The following MKNK1 variants were observed in gnomAD, a reference collection of about 807,000 sequenced individuals.
MKNK1 encodes the protein MAPK interacting serine/threonine kinase 1, also known as MAP kinase-interacting serine/threonine-protein kinase 1.
In MKNK1, 30 loss-of-function variants were observed where a neutral mutation model predicts 49.3. The observed-to-expected ratio is 0.61, with a 90% CI of 0.46 to 0.83. The LOEUF (loss-of-function observed/expected upper bound fraction) is 0.83, where lower values mean the gene tolerates loss of function less well. MKNK1 is among the 40% of genes least tolerant of loss of function. The pLI is 0.00. For synonymous variants in MKNK1, 176 were observed against 201.7 expected, an observed-to-expected ratio of 0.87 and a Z score of 1.08; for missense variants, 423 against 524.7, an observed-to-expected ratio of 0.81 and a Z score of 1.89.
intron 1 of MKNK1, among the ~76,000 whole-genome samples, chr1:46,603,161 A>G (rs1674970969): frequency 6.6e-6 from 1 of 152,214 alleles, no homozygotes. Context: ...TCTTCACATC[A>G]CTTCCAGCCC....
At chr1:46,576,233 T>C (rs1670930780) in intron 5 of MKNK1, 1 of 274,472 alleles carries the variant, frequency 3.6e-6, no homozygotes, top group Admixed American at 5.0e-5. Context: ...GGCAAGTCCT[T>C]AAAGATTTCT....
At chr1:46,585,920 G>T (rs756534032) in intron 2 of MKNK1, 5 of 1,365,930 alleles carry the variant, frequency 3.7e-6, no homozygotes, top group Non-Finnish European at 4.9e-6. Flanking sequence ...ACGCCAGAAG[G>T]GACAAATGGT....
At position 46,574,999 on chromosome 1, in the gene MKNK1, C is replaced by T. The variant is rs1212417576; in HGVS notation, c.300G>A (p.Glu100=). 6.2e-7 allele frequency: 1 copy of T among 1,612,638 alleles called. No homozygotes were observed. Among genetic ancestry groups the T allele is most frequent in the Non-Finnish European group, 8.5e-7 (1 of 1,179,072 alleles). The change falls in exon 6 of 13, where the codon GAG becomes GAA. Residue 100 remains glutamate (E), a synonymous_variant. Coordinates refer to ENST00000371945, the MANE Select transcript of MKNK1 (RefSeq NM_001135553.4). ...AAAACCTTGTGTCATCTTCAAAGAACTCAATCAGCTCCAAAATGTTCCTTA... is the reference window on the plus strand; with the variant it reads ...AAAACCTTGTGTCATCTTCAAAGAATTCAATCAGCTCCAAAATGTTCCTTA... The part of the protein sequence containing the change: ...QGNKNILELI[E]FFEDDTRFYL...
intron 2 of MKNK1, chr1:46,584,501 T>C (rs1210793675): frequency 3.9e-4 from 59 of 151,962 alleles, no homozygotes; most frequent in African/African-American, 1.0e-3. Flanking sequence ...TTTTTTTTTT[T>C]TTTCTTTCTT....
At chr1:46,599,175 G>A (rs1376553263) in intron 1 of MKNK1, among the ~76,000 whole-genome samples, 2 of 152,168 alleles carry the variant, frequency 1.3e-5, no homozygotes, top group African/African-American at 4.8e-5. Context: ...TAATCTGACA[G>A]CAAATACAAA....
At chr1:46,564,081 T>C (rs1041291284) in intron 9 of MKNK1, among the ~76,000 whole-genome samples, 1 of 117,914 alleles carries the variant, frequency 8.5e-6, no homozygotes, top group African/African-American at 3.1e-5. Context: ...ATTAGGAAAA[T>C]TTACTTGTGA....
rs1336776745 is a variant in MKNK1, at chr1:46,576,655, C to A, written c.199-1G>T. 1.2e-6 allele frequency: 2 copies of A among 1,614,048 alleles called. No individual in the cohort carries two copies. The highest frequency in any genetic ancestry group is 2.2e-5 in the South Asian group (2 of 91,084). ...TGTGCCCTGCTTGTTTCTCGATGAT[C>A]TGTGGGAAGAATAAAATCTGTCATG... On this transcript the variant is annotated splice_acceptor_variant, in intron 4 of 12. Transcript: ENST00000371945. LOFTEE classifies it high-confidence loss of function.
intron 9 of MKNK1, among the ~76,000 whole-genome samples, chr1:46,564,466 G>GGTTTTTTTTTTTT (rs1668659610): frequency 1.4e-5 from 1 of 70,184 alleles, no homozygotes; most frequent in African/African-American, 6.8e-5. Flanking sequence ...TTTTTTTATT[G>GGTTTTTTTTTTTT]TTTTTTTTTT....
chr1:46,586,198 G>C (rs1354880248), intron 2 of MKNK1: 1 of 319,602 alleles, frequency 3.1e-6, no homozygotes, highest in African/African-American at 2.2e-5. Flanking sequence ...GCCTCAGGGA[G>C]TGGGACCCCC....
At chr1:46,591,773 C>T (rs1263204060) in intron 2 of MKNK1, among the ~76,000 whole-genome samples, 1 of 152,188 alleles carries the variant, frequency 6.6e-6, no homozygotes, top group Non-Finnish European at 1.5e-5. Flanking sequence ...CCCACATGTG[C>T]TTTTCCTTGC....
chr1:46,594,860 G>A, intron 1 of MKNK1: 1 of 417,054 alleles, frequency 2.4e-6, no homozygotes, highest in East Asian at 9.6e-5. Flanking sequence ...AGGCATGGTG[G>A]CACACACCTG....
chr1:46,561,120 G>A (rs568501684), intron 11 of MKNK1, among the ~76,000 whole-genome samples: 2 of 152,196 alleles, frequency 1.3e-5, no homozygotes, highest in Non-Finnish European at 2.9e-5. Flanking sequence ...AGCGCAGCAC[G>A]GCCTTGCTCA....
intron 6 of MKNK1, chr1:46,572,447 C>T (rs1305809866): frequency 8.0e-6 from 2 of 249,438 alleles, no homozygotes; most frequent in Admixed American, 4.6e-5. Flanking sequence ...CTCGAACTCC[C>T]GACCAAGTGA....
intron 1 of MKNK1, among the ~76,000 whole-genome samples, chr1:46,603,086 G>C (rs1271844204): frequency 6.6e-6 from 1 of 152,188 alleles, no homozygotes. Flanking sequence ...GGGAGCAGAT[G>C]GGCAGAGGGG....
intron 12 of MKNK1, among the ~76,000 whole-genome samples, chr1:46,559,448 G>A (rs949554314): frequency 3.9e-5 from 6 of 152,184 alleles, no homozygotes; most frequent in Admixed American, 2.6e-4. Flanking sequence ...GCTTAGCCCT[G>A]GCTCTTTGGG....
intron 7 of MKNK1, chr1:46,569,330 G>A (rs980741201): frequency 6.6e-6 from 1 of 152,270 alleles, no homozygotes; most frequent in Admixed American, 6.5e-5. Flanking sequence ...TGCTGACCTG[G>A]CCAAGAAGGC....
intron 1 of MKNK1, among the ~76,000 whole-genome samples, chr1:46,602,668 G>GCTATTC (rs1674893066): frequency 5.3e-5 from 2 of 38,048 alleles, no homozygotes; most frequent in African/African-American, 1.6e-4. Context: ...AAGCTCATCA[G>GCTATTC]CTATTGTTAA....
intron 1 of MKNK1, among the ~76,000 whole-genome samples, chr1:46,601,341 T>G (rs1359680097): frequency 1.3e-5 from 2 of 152,238 alleles, no homozygotes; most frequent in African/African-American, 4.8e-5. Context: ...GAAATAACTT[T>G]CTCTTCCACA....
At chr1:46,572,388 CT>C (rs112714620) in intron 6 of MKNK1, 14,577 of 302,900 alleles carry the variant, frequency 0.048, no homozygotes, top group South Asian at 0.084. Context: ...AATTTTTGTA[CT>C]TTTTTTTTTT....
Sources: allele counts gnomAD v4.1 joint callset (sites outside exome capture counted in the v4.1 genomes callset), GRCh38; gene constraint gnomAD v4.1.1; transcripts MANE v1.5; gene names NCBI Gene and HGNC (gene_info 2026-07-23, HGNC 2026-07-21).